Variants in BTBD9 observed in about 807,000 individuals in gnomAD.
The protein encoded by BTBD9 is BTB domain containing 9.
BTBD9 carries 49 observed loss-of-function variants against 64.3 expected under a neutral mutation model. The observed-to-expected ratio is 0.76, with a 90% confidence interval of 0.61 to 0.97. The LOEUF is 0.97. BTBD9 is among the 50% of genes least tolerant of loss of function. BTBD9 has a pLI of 0.00. For missense variants in BTBD9, 598 were observed against 762.1 expected (o/e 0.78, Z 2.53); for synonymous variants, 260 against 274.7 (o/e 0.95, Z 0.53).
At chr6:38,584,132 T>C (rs903327432) in intron 4 of BTBD9, among the ~76,000 whole-genome samples, 6 of 151,978 alleles carry the variant, frequency 3.9e-5, no homozygotes, top group African/African-American at 7.3e-5. Context: ...TTTGAGACCA[T>C]CCTGGCCAAC....
intron 9 of BTBD9, among the ~76,000 whole-genome samples, chr6:38,247,501 G>C (rs558765372): frequency 2.6e-5 from 4 of 152,320 alleles, no homozygotes; most frequent in African/African-American, 7.2e-5. Context: ...AGACAGTCAA[G>C]GTGCTTCTCA....
chr6:38,303,874 TACACAC>T (rs1554137166), intron 7 of BTBD9, among the ~76,000 whole-genome samples: 3 of 82,642 alleles, frequency 3.6e-5, no homozygotes, highest in Non-Finnish European at 7.0e-5. Context: ...TATATATATA[TACACAC>T]ACACACATGT....
chr6:38,297,508 C>A (rs993951095), intron 7 of BTBD9, among the ~76,000 whole-genome samples: 2 of 152,108 alleles, frequency 1.3e-5, no homozygotes, highest in African/African-American at 2.4e-5. Flanking sequence ...GTAGATTGAA[C>A]CTTTCATCAT....
intron 7 of BTBD9, among the ~76,000 whole-genome samples, chr6:38,310,957 G>A (rs1024174134): frequency 7.2e-5 from 11 of 152,082 alleles, no homozygotes; most frequent in East Asian, 5.8e-4. Context: ...ACAGGCAGGC[G>A]CCACCTCACC....
chr6:38,232,778 C>T (rs972426803), intron 9 of BTBD9, among the ~76,000 whole-genome samples: 1 of 151,852 alleles, frequency 6.6e-6, no homozygotes, highest in African/African-American at 2.4e-5. Flanking sequence ...AGATTACAGG[C>T]GTGCATCACT....
intron 1 of BTBD9, among the ~76,000 whole-genome samples, chr6:38,624,428 C>A (rs1276144333): frequency 6.6e-6 from 1 of 152,098 alleles, no homozygotes; most frequent in African/African-American, 2.4e-5. Flanking sequence ...AGGTCCGCGG[C>A]TTCATTCTTG....
chr6:38,566,552 G>T (rs1775524752), intron 6 of BTBD9, among the ~76,000 whole-genome samples: 1 of 152,110 alleles, frequency 6.6e-6, no homozygotes, highest in Non-Finnish European at 1.5e-5. Context: ...TGAAATCAAA[G>T]AAAACAATAT....
intron 6 of BTBD9, among the ~76,000 whole-genome samples, chr6:38,419,662 C>T (rs1767818875): frequency 6.6e-6 from 1 of 151,894 alleles, no homozygotes; most frequent in African/African-American, 2.4e-5. Context: ...CCTAAGGTCG[C>T]GATTTCAAGA....
chr6:38,383,029 G>A (rs952171962), intron 6 of BTBD9, among the ~76,000 whole-genome samples: 7 of 152,068 alleles, frequency 4.6e-5, no homozygotes, highest in African/African-American at 7.2e-5. Context: ...ACTCTTCAAC[G>A]CATTTTATGA....
At chr6:38,183,155 T>G (rs527476860) in intron 10 of BTBD9, among the ~76,000 whole-genome samples, 1 of 152,122 alleles carries the variant, frequency 6.6e-6, no homozygotes, top group Non-Finnish European at 1.5e-5. Context: ...AATTTTTTAA[T>G]TCTTTTAGTA....
intron 6 of BTBD9, among the ~76,000 whole-genome samples, chr6:38,467,726 C>G (rs535435466): frequency 1.3e-5 from 2 of 152,304 alleles, no homozygotes; most frequent in South Asian, 4.1e-4. Flanking sequence ...CCTCCTTCCT[C>G]TTGACTTCTC....
chr6:38,501,323 T>G (rs1164948077), intron 6 of BTBD9, among the ~76,000 whole-genome samples: 1 of 152,188 alleles, frequency 6.6e-6, no homozygotes, highest in African/African-American at 2.4e-5. Flanking sequence ...GTTTTCGGAT[T>G]AGGAATGCTC....
intron 8 of BTBD9, among the ~76,000 whole-genome samples, chr6:38,269,615 G>A (rs911902126): frequency 6.6e-5 from 10 of 151,238 alleles, no homozygotes; most frequent in Admixed American, 2.0e-4. Flanking sequence ...TTTTCCCTGC[G>A]ATCACCTATA....
intron 6 of BTBD9, among the ~76,000 whole-genome samples, chr6:38,349,857 G>C (rs902796140): frequency 6.6e-6 from 1 of 152,124 alleles, no homozygotes; most frequent in Non-Finnish European, 1.5e-5. Context: ...GAAAGCAAGC[G>C]ACATTCAGAA....
intron 6 of BTBD9, among the ~76,000 whole-genome samples, chr6:38,412,182 A>C (rs1767457706): frequency 6.6e-6 from 1 of 152,094 alleles, no homozygotes; most frequent in Admixed American, 6.6e-5. Context: ...GTACAAACAA[A>C]AAACTGAGAA....
At chr6:38,190,194 G>A (rs933110859) in intron 10 of BTBD9, among the ~76,000 whole-genome samples, 3 of 151,882 alleles carry the variant, frequency 2.0e-5, no homozygotes, top group African/African-American at 7.3e-5. Context: ...GGCCCAGCGT[G>A]GTGGCTCATG....
intron 6 of BTBD9, among the ~76,000 whole-genome samples, chr6:38,374,291 A>ATATATGTATATATATG (rs1453986364): frequency 1.4e-5 from 1 of 70,630 alleles, no homozygotes; most frequent in Non-Finnish European, 2.3e-5. Flanking sequence ...AAGTATATAT[A>ATATATGTATATATATG]TATATGTATA....
intron 9 of BTBD9, among the ~76,000 whole-genome samples, chr6:38,195,647 G>C (rs553762453): frequency 1.3e-5 from 2 of 151,992 alleles, no homozygotes; most frequent in Non-Finnish European, 2.9e-5. Flanking sequence ...TCACAGAAAC[G>C]CATCTAGAAT....
chr6:38,557,116 G>A (rs767106808), intron 6 of BTBD9, among the ~76,000 whole-genome samples: 7 of 149,524 alleles, frequency 4.7e-5, no homozygotes, highest in South Asian at 2.1e-4. Flanking sequence ...GGGAGGCCAC[G>A]GTGGGCAGAT....
Sources: gnomAD v4.1 joint callset for allele counts (sites outside exome capture counted in the v4.1 genomes callset) on GRCh38, gnomAD v4.1.1 for gene constraint, MANE v1.5 for transcripts, NCBI Gene and HGNC (gene_info 2026-07-23, HGNC 2026-07-21) for gene names.